The following CAMK2B variants were observed in gnomAD, a reference collection of about 807,000 sequenced individuals.
CAMK2B encodes the protein calcium/calmodulin-dependent protein kinase type II subunit beta.
Under a neutral mutation model 93.7 loss-of-function variants are expected in CAMK2B, and 27 were observed. That is an observed-to-expected ratio of 0.29 (90% CI 0.21 to 0.40). The LOEUF is 0.40. Ranked by LOEUF, CAMK2B falls within the 10% of genes least tolerant of loss-of-function variation. The pLI is 1.00. For missense variants in CAMK2B, 568 were observed against 895.8 expected (o/e 0.63, Z 4.67); for synonymous variants, 374 against 358.8 (o/e 1.04, Z -0.48).
chr7:44,244,190 C>A (rs1487050899), intron 6 of CAMK2B, among the ~76,000 whole-genome samples: 2 of 152,196 alleles, frequency 1.3e-5, no homozygotes, highest in Non-Finnish European at 2.9e-5. Flanking sequence ...CTGCAATGAC[C>A]CCCTGCCCGC....
chr7:44,311,907 A>G lies in CAMK2B; in HGVS notation c.65+13450T>C, dbSNP rs1032557831. ...GACCCTCACGACGCTCCAAGAGGTG[A>G]CCCTTCTCCTGCCCAGGGTCATACA... On this transcript the variant is annotated intron_variant, in intron 1 of 23. Transcript: ENST00000395749. This position sits in a 1 kb window ranked among gnomAD's most constrained non-coding sequence, Gnocchi z 4.2. Among the ~76,000 whole-genome samples, 11 of 152,004 alleles carry G rather than the reference A, an allele frequency of 7.2e-5. No homozygotes were observed. The highest frequency in any genetic ancestry group is 2.7e-4 in the African/African-American group (11 of 41,378).
intron 1 of CAMK2B, chr7:44,324,918 G>GGGGGTGGGGACAGCGCACCCGCGTC (rs1797097088): frequency 6.6e-6 from 1 of 151,988 alleles, no homozygotes; most frequent in Non-Finnish European, 1.5e-5. Context: ...CCGCTCGGGT[G>GGGGGTGGGGACAGCGCACCCGCGTC]GGGGTGGGGA....
rs1368391313 is a variant in CAMK2B, at chr7:44,224,054, A to G, written c.1597+2462T>C. On this transcript the variant is annotated intron_variant, in intron 20 of 23. Transcript: ENST00000395749. The surrounding 1 kb of genome is among the most constrained non-coding windows in gnomAD (Gnocchi z 4.4). ...TAATGAAGTAATATGCAGTGCTTTT[A>G]AACAAATTGTAATTAAAATGGGAGT... Among the ~76,000 whole-genome samples, 2 of 152,256 alleles carry G rather than the reference A, an allele frequency of 1.3e-5. No homozygotes were observed. The highest frequency in any genetic ancestry group is 4.8e-5 in the African/African-American group (2 of 41,456).
chr7:44,317,238 C>T (rs1251830689), intron 1 of CAMK2B, among the ~76,000 whole-genome samples: 1 of 138,468 alleles, frequency 7.2e-6, no homozygotes, highest in Non-Finnish European at 1.6e-5. Context: ...TAAAAGAAAC[C>T]AGGAAAAATG....
Position 44,224,466 on chromosome 7 carries a change from C to T in CAMK2B, c.1597+2050G>A, listed in dbSNP as rs2096451276. Among the ~76,000 whole-genome samples, 1 of 152,222 alleles carries T rather than the reference C, an allele frequency of 6.6e-6. No individual in the cohort carries two copies. The highest frequency in any genetic ancestry group is 6.5e-5 in the Admixed American group (1 of 15,280). On this transcript the variant is annotated intron_variant, in intron 20 of 23. Transcript: ENST00000395749. This position sits in a 1 kb window ranked among gnomAD's most constrained non-coding sequence, Gnocchi z 4.4. ...GACAAAGGGGAGGTGGTGGGCAGGGCCTGGGCTTGGAGGGGTCTGCACGAG... is the reference window on the plus strand; with the variant it reads ...GACAAAGGGGAGGTGGTGGGCAGGGTCTGGGCTTGGAGGGGTCTGCACGAG...
At chr7:44,308,010 C>A (rs1454416510) in intron 1 of CAMK2B, among the ~76,000 whole-genome samples, 1 of 152,034 alleles carries the variant, frequency 6.6e-6, no homozygotes, top group Non-Finnish European at 1.5e-5. Context: ...GATTCCAGGC[C>A]TTTTTGACCT....
intron 22 of CAMK2B, 50 bp downstream of exon 22, chr7:44,220,566 C>T: frequency 1.3e-6 from 2 of 1,491,778 alleles, no homozygotes; most frequent in Non-Finnish European, 1.8e-6. Context: ...GGCCGAGAGG[C>T]TCTCCTGGGG....
At chr7:44,301,310 G>C (rs1007321442) in intron 1 of CAMK2B, among the ~76,000 whole-genome samples, 1 of 152,050 alleles carries the variant, frequency 6.6e-6, no homozygotes, top group African/African-American at 2.4e-5. Flanking sequence ...TTGTTTGTTT[G>C]TTTGTTTTTA....
chr7:44,234,169 A>C (rs1218179549), intron 15 of CAMK2B, among the ~76,000 whole-genome samples: 1 of 152,208 alleles, frequency 6.6e-6, no homozygotes, highest in Non-Finnish European at 1.5e-5. Context: ...GGGGCTCCCC[A>C]GAGCAGTCCT....
intron 5 of CAMK2B, among the ~76,000 whole-genome samples, chr7:44,251,146 G>A (rs1022119133): frequency 3.9e-5 from 6 of 152,090 alleles, no homozygotes; most frequent in Non-Finnish European, 5.9e-5. Flanking sequence ...TGTGTGGTTC[G>A]GAAAGCACCT....
chr7:44,287,478 CTGCCACT>C (rs1339271017), intron 1 of CAMK2B, among the ~76,000 whole-genome samples: 1 of 152,220 alleles, frequency 6.6e-6, no homozygotes, highest in African/African-American at 2.4e-5. Context: ...CCTGGTGGTT[CTGCCACT>C]TGCCAGACGG....
chr7:44,313,324 G>A (rs1009669954), intron 1 of CAMK2B, among the ~76,000 whole-genome samples: 3 of 152,134 alleles, frequency 2.0e-5, no homozygotes, highest in Non-Finnish European at 4.4e-5. Context: ...AAGGACTTTA[G>A]GGGCCCAGGC....
intron 2 of CAMK2B, among the ~76,000 whole-genome samples, chr7:44,277,173 G>C (rs1021103942): frequency 8.5e-5 from 13 of 152,298 alleles, no homozygotes; most frequent in East Asian, 3.9e-4. Flanking sequence ...GCAAGCGGGC[G>C]GGGGGTTGGG....
chr7:44,232,852 G>C lies in CAMK2B; in HGVS notation c.1146C>G (p.Thr382=), dbSNP rs779949267. 5.6e-6 allele frequency: 9 copies of C among 1,614,018 alleles called. No individual in the cohort carries two copies. The Admixed American group carries it at 1.2e-4, about 21-fold the overall frequency. The change falls in exon 16 of 24, where the codon ACC becomes ACG. Residue 382 remains threonine, a synonymous_variant. Coordinates refer to ENST00000395749, the MANE Select transcript of CAMK2B (RefSeq NM_001220.5). ...TCCCGTCCACTGGGTTATGGATGAC[G>C]GTGGTTTGAGGCTCCTACAGAAGAA... ...LPPAALEPQT[T]VIHNPVDGIK... is the part of the protein sequence containing the mutation.
At chr7:44,313,009 C>T (rs976775890) in intron 1 of CAMK2B, among the ~76,000 whole-genome samples, 5 of 152,092 alleles carry the variant, frequency 3.3e-5, no homozygotes, top group African/African-American at 4.8e-5. Context: ...CAGGCTCAGC[C>T]ACATTAATTT....
chr7:44,245,330 C>T (rs778604923), intron 6 of CAMK2B, among the ~76,000 whole-genome samples: 2 of 152,164 alleles, frequency 1.3e-5, no homozygotes, highest in Non-Finnish European at 2.9e-5. Context: ...GTGAGAGCAA[C>T]CCCACTACTC....
At chr7:44,307,298 G>T (rs117939554) in intron 1 of CAMK2B, among the ~76,000 whole-genome samples, 1 of 135,890 alleles carries the variant, frequency 7.4e-6, no homozygotes, top group East Asian at 2.4e-4. Flanking sequence ...AGGGAAGAGG[G>T]TGTGAGCAGG....
chr7:44,288,382 T>C (rs886084198), intron 1 of CAMK2B, among the ~76,000 whole-genome samples: 5 of 152,136 alleles, frequency 3.3e-5, no homozygotes, highest in African/African-American at 1.2e-4. Flanking sequence ...GTGTGGACCA[T>C]CCCAGGCAGC....
chr7:44,305,726 G>C (rs529776121), intron 1 of CAMK2B, among the ~76,000 whole-genome samples: 1 of 152,328 alleles, frequency 6.6e-6, no homozygotes, highest in East Asian at 1.9e-4. Context: ...ACCAAGACAG[G>C]GGCGAGAGGC....
Sources: allele counts gnomAD v4.1 joint callset (sites outside exome capture counted in the v4.1 genomes callset), GRCh38; gene constraint gnomAD v4.1.1; non-coding constraint Gnocchi (gnomAD v3.1); transcripts MANE v1.5; gene names NCBI Gene and HGNC (gene_info 2026-07-23, HGNC 2026-07-21).